AP2M1: variants seen among roughly 807,000 people sequenced by gnomAD.
The protein encoded by AP2M1 is adaptor related protein complex 2 subunit mu 1, also known as AP-2 complex subunit mu.
Under a neutral mutation model 54.5 loss-of-function variants are expected in AP2M1, and 5 were observed. The observed-to-expected ratio is 0.09, with a 90% confidence interval of 0.05 to 0.19. The LOEUF is 0.19. Ranked by LOEUF, AP2M1 falls within the 10% of genes least tolerant of loss-of-function variation. The pLI is 1.00. For missense variants in AP2M1, 178 were observed against 580.2 expected (o/e 0.31, Z 7.12); for synonymous variants, 186 against 208.2 (o/e 0.89, Z 0.92).
rs1715100326 is a variant in AP2M1 at position 184,177,129 on chromosome 3, G to A, written c.74+62G>A. The A allele has an allele frequency of 2.9e-5, 45 of 1,528,052 alleles. No homozygotes were observed. In the South Asian group the frequency reaches 4.8e-4, roughly 16 times the overall value. 94.7% of individuals were successfully genotyped at this position (1,528,052 alleles called of 1,614,324 possible). ...TCCAGCCCCCCAGCCCCAGCATACAGGATTAGGTCTTTTCCCACCATTGGC... is the reference window on the plus strand; with the variant it reads ...TCCAGCCCCCCAGCCCCAGCATACAAGATTAGGTCTTTTCCCACCATTGGC... On this transcript the variant is annotated intron_variant, in intron 2 of 11. Coordinates refer to ENST00000292807, the MANE Select transcript of AP2M1 (RefSeq NM_004068.4).
intron 1 of AP2M1, 107 bp downstream of exon 1, chr3:184,175,066 C>CACCCGGGAGTGGCTTCAGCCTTCGG: frequency 2.5e-6 from 1 of 397,236 alleles, no homozygotes; most frequent in East Asian, 3.6e-5. Context: ...AAGCTGCCCA[C>CACCCGGGAGTGGCTTCAGCCTTCGG]ACCCGGGAGT....
At chr3:184,177,253 T>C (rs536982073) in intron 2 of AP2M1, among the ~76,000 whole-genome samples, 186 bp downstream of exon 2, 21 of 152,348 alleles carry the variant, frequency 1.4e-4, no homozygotes, top group Non-Finnish European at 2.5e-4. Context: ...GCAGCCAGCC[T>C]GCCAGCCCCT....
rs761927066 is a variant in AP2M1 at position 184,182,276 on chromosome 3, C to G, written c.1061+28C>G. 1 of 1,607,880 alleles carries G rather than the reference C, an allele frequency of 6.2e-7. No individual in the cohort carries two copies. Among genetic ancestry groups the G allele is most frequent in the South Asian group, 1.1e-5 (1 of 89,914 alleles). On this transcript the variant is annotated intron_variant, in intron 10 of 11. Transcript: ENST00000292807. The surrounding 1 kb of genome is among the most constrained non-coding windows in gnomAD (Gnocchi z 5.5). ...GAGTCTTTCCTTCATTAGGCCACAG[C>G]AGGGCTCAAGATCCCAGTATACCCT...
chr3:184,182,229 G>A lies in AP2M1; in HGVS notation c.1042G>A (p.Glu348Lys), dbSNP rs1715297203. The change falls in exon 10 of 12, where the codon GAG becomes AAG. Residue 348 changes from glutamate (E) to lysine (K), a missense_variant. Glu to Lys is a moderately conservative substitution (Grantham distance 56). Coordinates refer to ENST00000292807, the MANE Select transcript of AP2M1 (RefSeq NM_004068.4). The surrounding 1 kb of genome is among the most constrained non-coding windows in gnomAD (Gnocchi z 5.5). ...MKGKAKYKAS[E>K]NAIVWKIKRM... ...GGGGAAGGCCAAGTACAAGGCCAGC[G>A]AGAATGCCATCGTGTGGAAGTGAGT... 3 of 1,614,022 alleles carry A rather than the reference G, an allele frequency of 1.9e-6. No homozygotes were observed. The highest frequency in any genetic ancestry group is 1.7e-6 in the Non-Finnish European group (2 of 1,180,016).
chr3:184,182,310 C>T lies in AP2M1; in HGVS notation c.1061+62C>T, dbSNP rs961186125. On this transcript the variant is annotated intron_variant, in intron 10 of 11. Transcript: ENST00000292807. This position sits in a 1 kb window ranked among gnomAD's most constrained non-coding sequence, Gnocchi z 5.5. ...AGATCCCAGTATACCCTCTTGTTTTCAGCTTTGATCCTTCTGAATGAGGGG... is the reference window on the plus strand; with the variant it reads ...AGATCCCAGTATACCCTCTTGTTTTTAGCTTTGATCCTTCTGAATGAGGGG... 6 of 1,537,298 alleles carry T rather than the reference C, an allele frequency of 3.9e-6. No individual in the cohort carries two copies. In the African/African-American group the frequency reaches 6.8e-5, roughly 17 times the overall value.
rs572196768 is a variant in AP2M1 at position 184,181,609 on chromosome 3, T to C, written c.708-87T>C. On this transcript the variant is annotated intron_variant, in intron 7 of 11. Transcript: ENST00000292807. This position sits in a 1 kb window ranked among gnomAD's most constrained non-coding sequence, Gnocchi z 5.7. ...CATTCTAGCAGCTTTTCATAGTCTC[T>C]GGTGCCAGCCTGGGGTGGAGTGGTC... 1.0e-5 allele frequency: 16 copies of C among 1,539,800 alleles called. No homozygotes were observed. In the Admixed American group the frequency reaches 2.5e-4, roughly 24 times the overall value.
intron 1 of AP2M1, 137 bp downstream of exon 1, chr3:184,175,096 G>A (rs1449402536): frequency 7.6e-6 from 3 of 395,452 alleles, no homozygotes; most frequent in South Asian, 2.6e-4. Context: ...CTTCGGACCC[G>A]GGAGCTAGCT....
rs550656108 is a variant in AP2M1 at position 184,178,409 on chromosome 3, T to C, written c.75-448T>C. On this transcript the variant is annotated intron_variant, in intron 2 of 11. Transcript: ENST00000292807. The surrounding 1 kb of genome is among the most constrained non-coding windows in gnomAD (Gnocchi z 4.9). The stretch of plus-strand genomic sequence containing the variant: ...TGTGACTTCTGAAGCCATGCTGGCT[T>C]TGTCTAACATCTGGAGGAGTCGGCC... Among the ~76,000 whole-genome samples the C allele has an allele frequency of 6.6e-6, 1 of 152,342 alleles. No individual in the cohort carries two copies. Among genetic ancestry groups the C allele is most frequent in the Admixed American group, 6.5e-5 (1 of 15,310 alleles).
chr3:184,175,657 G>A (rs181001266), intron 1 of AP2M1, among the ~76,000 whole-genome samples: 2 of 152,220 alleles, frequency 1.3e-5, no homozygotes, highest in African/African-American at 2.4e-5. Flanking sequence ...GCTGCTGTGG[G>A]CTCACCTGAG....
At position 184,181,851 on chromosome 3, in the gene AP2M1, T is replaced by G. The variant is rs746590871; in HGVS notation, c.827+36T>G. The G allele has an allele frequency of 1.9e-6, 3 of 1,614,150 alleles. No homozygotes were observed. Among genetic ancestry groups the G allele is most frequent in the Non-Finnish European group, 2.5e-6 (3 of 1,179,996 alleles). ...GGTGTGAGGAGGCAGCTAGTGCTGC[T>G]GGCAGACTGGGGAGAGGAAGTGGGT... On this transcript the variant is annotated intron_variant, in intron 8 of 11. Coordinates refer to ENST00000292807, the MANE Select transcript of AP2M1 (RefSeq NM_004068.4). This position sits in a 1 kb window ranked among gnomAD's most constrained non-coding sequence, Gnocchi z 5.7.
rs1264875671 is a variant in AP2M1 at position 184,183,044 on chromosome 3, T to A, written c.1173+176T>A. The A allele has an allele frequency of 5.8e-6, 4 of 686,054 alleles. No homozygotes were observed. In the Admixed American group the frequency reaches 6.5e-5, roughly 11 times the overall value. 42.5% of individuals were successfully genotyped at this position (686,054 alleles called of 1,614,324 possible). On this transcript the variant is annotated intron_variant, in intron 11 of 11. Transcript: ENST00000292807. This position sits in a 1 kb window ranked among gnomAD's most constrained non-coding sequence, Gnocchi z 5.7. ...CAAGCCTCTTAGTAGAAATTACTAT[T>A]TGTGATGAGGCAAATCTTTTACTTC...
In AP2M1 at chr3:184,180,045, A is replaced by G; in HGVS notation, c.341-124A>G. 1.3e-6 allele frequency: 1 copy of G among 782,182 alleles called. No homozygotes were observed. Among genetic ancestry groups the G allele is most frequent in the Non-Finnish European group, 2.1e-6 (1 of 470,158 alleles). 48.5% of individuals were successfully genotyped at this position (782,182 alleles called of 1,614,324 possible). On this transcript the variant is annotated intron_variant, in intron 3 of 11. Coordinates refer to ENST00000292807, the MANE Select transcript of AP2M1 (RefSeq NM_004068.4). The surrounding 1 kb of genome is among the most constrained non-coding windows in gnomAD (Gnocchi z 4.9). ...CACAGAATAAATGCTACAAAGCTAG[A>G]AGACTTTCTTGCGGATGATCCCACA...
rs187950037 is a variant in AP2M1, at chr3:184,179,504, C to A, written c.340+382C>A. Among the ~76,000 whole-genome samples the A allele has an allele frequency of 2.4e-3, 364 of 152,156 alleles. 1 individual carries two copies. Among genetic ancestry groups the A allele is most frequent in the Middle Eastern group, 3.4e-3 (1 of 294 alleles). ...CTGGGGGAGAGTGAGATATTACAAGCCTCTTGGGGTGCACTGTTATCTCTG... is the reference window on the plus strand; with the variant it reads ...CTGGGGGAGAGTGAGATATTACAAGACTCTTGGGGTGCACTGTTATCTCTG... On this transcript the variant is annotated intron_variant, in intron 3 of 11. Coordinates refer to ENST00000292807, the MANE Select transcript of AP2M1 (RefSeq NM_004068.4).
At position 184,176,936 on chromosome 3, in the gene AP2M1, C is replaced by T. The variant is rs1460575894; in HGVS notation, c.-43-15C>T. On this transcript the variant is annotated splice_polypyrimidine_tract_variant and intron_variant, in intron 1 of 11. Transcript: ENST00000292807. ...ATTCTGAGGTCTTCTTTTACCCTGC[C>T]CCCGCCTGTCCTAGGTCTGTTCTCA... 3.8e-6 allele frequency: 6 copies of T among 1,574,850 alleles called. No individual in the cohort carries two copies. Among genetic ancestry groups the T allele is most frequent in the Non-Finnish European group, 5.2e-6 (6 of 1,153,314 alleles).
Position 184,181,432 on chromosome 3 carries a change from C to G in AP2M1, c.707+206C>G. 1 of 887,812 alleles carries G rather than the reference C, an allele frequency of 1.1e-6. No homozygotes were observed. Among genetic ancestry groups the G allele is most frequent in the South Asian group, 1.8e-5 (1 of 56,522 alleles). 55.0% of individuals were successfully genotyped at this position (887,812 alleles called of 1,614,324 possible). On this transcript the variant is annotated intron_variant, in intron 7 of 11. Transcript: ENST00000292807. This position sits in a 1 kb window ranked among gnomAD's most constrained non-coding sequence, Gnocchi z 5.7. ...GAGAGCAAGCCCCTTTGTTTGGTCC[C>G]TAGGACCAAGGCCTTTTCTGTACAT...
chr3:184,179,570 C>T (rs760164070), intron 3 of AP2M1, among the ~76,000 whole-genome samples: 1 of 152,078 alleles, frequency 6.6e-6, no homozygotes. Context: ...TGAATACTTC[C>T]ACCTTCCCAA....
rs1358664685 is a variant in AP2M1 at position 184,181,430 on chromosome 3, C to T, written c.707+204C>T. The T allele has an allele frequency of 3.4e-5, 31 of 898,622 alleles. No individual in the cohort carries two copies. Among genetic ancestry groups the T allele is most frequent in the Non-Finnish European group, 4.9e-5 (30 of 606,186 alleles). The allele number at this position is 898,622 out of a possible 1,614,324, so 55.7% of individuals were successfully genotyped here. A position where few individuals can be genotyped will look rare whatever the true frequency, so the allele number is the denominator to read the frequency against. On this transcript the variant is annotated intron_variant, in intron 7 of 11. Coordinates refer to ENST00000292807, the MANE Select transcript of AP2M1 (RefSeq NM_004068.4). This position sits in a 1 kb window ranked among gnomAD's most constrained non-coding sequence, Gnocchi z 5.7. ...CAGAGAGCAAGCCCCTTTGTTTGGT[C>T]CCTAGGACCAAGGCCTTTTCTGTAC...
chr3:184,177,091 TG>T (rs1414380693), intron 2 of AP2M1, 24 bp downstream of exon 2: 21 of 1,608,382 alleles, frequency 1.3e-5, no homozygotes, highest in Non-Finnish European at 1.7e-5. Flanking sequence ...CGGAGCCAGC[TG>T]TGCCCCACCA....
At chr3:184,179,457 A>G in intron 3 of AP2M1, 1 of 309,408 alleles carries the variant, frequency 3.2e-6, no homozygotes, top group African/African-American at 2.1e-5. Context: ...CCAGTTTTCC[A>G]TCTCAGCAGC....
Sources: allele counts gnomAD v4.1 joint callset (sites outside exome capture counted in the v4.1 genomes callset), GRCh38; gene constraint gnomAD v4.1.1; non-coding constraint Gnocchi (gnomAD v3.1); transcripts MANE v1.5; gene names NCBI Gene and HGNC (gene_info 2026-07-23, HGNC 2026-07-21).